ADGRE3: variants seen among roughly 807,000 people sequenced by gnomAD.
The protein encoded by ADGRE3 is adhesion G protein-coupled receptor E3.
In ADGRE3, 88 loss-of-function variants were observed where a neutral mutation model predicts 80.1. That is an observed-to-expected ratio of 1.10 (90% CI 0.93 to 1.31). The LOEUF (loss-of-function observed/expected upper bound fraction) is 1.31. Among genes scored for constraint, ADGRE3 ranks in the 40% most tolerant of loss-of-function variants. The probability of loss-of-function intolerance (pLI) is 0.00; values close to 1 mark genes in which losing one functional copy is unlikely to be tolerated. For synonymous variants in ADGRE3, 281 were observed against 294.8 expected (o/e 0.95, Z 0.48); for missense variants, 715 against 776.5 (o/e 0.92, Z 0.94).
chr19:14,657,560 A>C (rs1448817487), intron 5 of ADGRE3, among the ~76,000 whole-genome samples: 1 of 151,316 alleles, frequency 6.6e-6, no homozygotes, highest in Non-Finnish European at 1.5e-5. Context: ...ATATCTATAT[A>C]TATATATAAG....
At chr19:14,637,940 C>T (rs531369833) in intron 11 of ADGRE3, among the ~76,000 whole-genome samples, 165 bp downstream of exon 11, 1 of 152,264 alleles carries the variant, frequency 6.6e-6, no homozygotes, top group Admixed American at 6.5e-5. Flanking sequence ...ACCTTGCAAA[C>T]TCTTACCACC....
chr19:14,655,212 A>T (rs1268239497), intron 5 of ADGRE3, 47 bp from the exon 6 acceptor site: 6 of 1,531,064 alleles, frequency 3.9e-6, no homozygotes, highest in Non-Finnish European at 5.3e-6. Context: ...GTAATCTGGT[A>T]AGTCCCATAT....
intron 1 of ADGRE3, 104 bp from the exon 2 acceptor site, chr19:14,668,956 A>C (rs1972178586): frequency 9.0e-7 from 1 of 1,116,642 alleles, no homozygotes; most frequent in Non-Finnish European, 1.3e-6. Context: ...CTGTGTAACA[A>C]ATTACAAAAA....
chr19:14,647,465 G>T, intron 7 of ADGRE3, 100 bp from the exon 8 acceptor site: 2 of 944,874 alleles, frequency 2.1e-6, no homozygotes, highest in East Asian at 5.4e-5. Context: ...CAGCCAGGCT[G>T]GAGTGCAGTG....
chr19:14,615,757 T>TAAA (rs559844563), downstream of ADGRE3, among the ~76,000 whole-genome samples: 6,249 of 136,106 alleles, frequency 0.046, 150 homozygotes, highest in South Asian at 0.067. Flanking sequence ...GAGACTCTGC[T>TAAA]AAAAAAAAAA....
At chr19:14,636,050 TTCC>T (rs1568480988) in intron 11 of ADGRE3, among the ~76,000 whole-genome samples, 37 of 58,140 alleles carry the variant, frequency 6.4e-4, no homozygotes, top group Non-Finnish European at 1.1e-3. Context: ...CCTTCCTTCC[TTCC>T]TTCCTTCCTT....
intron 6 of ADGRE3, among the ~76,000 whole-genome samples, chr19:14,653,800 G>A (rs1328087499): frequency 6.6e-6 from 1 of 152,072 alleles, no homozygotes; most frequent in East Asian, 1.9e-4. Flanking sequence ...ACTGGTCTCA[G>A]ATCAAACAGT....
chr19:14,626,912 C>T (rs1398113580), intron 14 of ADGRE3, among the ~76,000 whole-genome samples: 3 of 152,174 alleles, frequency 2.0e-5, no homozygotes, highest in African/African-American at 7.2e-5. Flanking sequence ...CCAGTTTGCC[C>T]TATGCATGGG....
chr19:14,673,909 C>T (rs981702024), intron 1 of ADGRE3, among the ~76,000 whole-genome samples: 3 of 152,104 alleles, frequency 2.0e-5, no homozygotes, highest in African/African-American at 4.8e-5. Context: ...CAGTCTTCAT[C>T]GTCTATCATT....
intron 14 of ADGRE3, among the ~76,000 whole-genome samples, 184 bp downstream of exon 14, chr19:14,629,855 T>C (rs1245422246): frequency 6.6e-6 from 1 of 152,206 alleles, no homozygotes; most frequent in African/African-American, 2.4e-5. Context: ...TTCTGAAATG[T>C]GTTAATAAAT....
intron 10 of ADGRE3, among the ~76,000 whole-genome samples, chr19:14,639,238 A>G (rs184017940): frequency 2.2e-4 from 34 of 152,282 alleles, no homozygotes; most frequent in African/African-American, 7.7e-4. Flanking sequence ...AATGATAAGT[A>G]TGGAAGTGAT....
At chr19:14,633,345 A>C (rs1970937226) in intron 11 of ADGRE3, 43 bp from the exon 12 acceptor site, 1 of 1,433,188 alleles carries the variant, frequency 7.0e-7, no homozygotes. Context: ...GATCAGAGAA[A>C]GTGCGTGAGA....
chr19:14,648,998 CGATCTCTCTTTT>C (rs1308534834), intron 7 of ADGRE3, among the ~76,000 whole-genome samples: 2 of 143,800 alleles, frequency 1.4e-5, no homozygotes, highest in African/African-American at 5.2e-5. Flanking sequence ...CTCTCTCTTT[CGATCTCTCTTTT>C]GATCTCTTTC....
intron 14 of ADGRE3, chr19:14,628,741 C>A: frequency 5.8e-6 from 2 of 344,178 alleles, no homozygotes; most frequent in Non-Finnish European, 5.7e-6. Flanking sequence ...CCCCTGCAGA[C>A]AGCCAGTGTT....
At position 14,630,393 on chromosome 19, in the gene ADGRE3, CTTATTTTATT is replaced by C. The variant is rs55760456; in HGVS notation, c.1644-196_1644-187del. 6.1e-3 allele frequency among the ~76,000 whole-genome samples: 912 copies of C among 148,604 alleles called. 5 individuals carry two copies. Among genetic ancestry groups the C allele is most frequent in the South Asian group, 0.026 (122 of 4,680 alleles). ...CCTTCTTGCAACTCAGCTCCCTCAT[CTTATTTTATT>C]TTATTTTATTTTATTTTATTTTTGA... On this transcript the variant is annotated intron_variant, in intron 13 of 15. Coordinates refer to ENST00000253673, the MANE Select transcript of ADGRE3 (RefSeq NM_032571.5).
intron 10 of ADGRE3, among the ~76,000 whole-genome samples, chr19:14,641,014 A>C (rs1971232570): frequency 6.6e-6 from 1 of 152,122 alleles, no homozygotes; most frequent in South Asian, 2.1e-4. Context: ...AATACAACCA[A>C]TGATACTAGT....
At chr19:14,658,441 C>A (rs1218617855) in intron 5 of ADGRE3, 72 bp downstream of exon 5, 2 of 1,224,902 alleles carry the variant, frequency 1.6e-6, no homozygotes, top group East Asian at 2.8e-5. Context: ...CATTTGCTCA[C>A]TTTGGGCTTT....
chr19:14,602,876 C>G, the ADGRE3 span, among the ~76,000 whole-genome samples: 1 of 152,068 alleles, frequency 6.6e-6, no homozygotes, highest in African/African-American at 2.4e-5. Flanking sequence ...GCTGGGATTA[C>G]AGGCGCCCAC....
chr19:14,611,974 A>G, the ADGRE3 span, among the ~76,000 whole-genome samples: 2 of 152,218 alleles, frequency 1.3e-5, no homozygotes, highest in East Asian at 1.9e-4. Flanking sequence ...ACTGCACTCC[A>G]GCCTGGGTGA....
Sources: allele counts gnomAD v4.1 joint callset (sites outside exome capture counted in the v4.1 genomes callset), GRCh38; gene constraint gnomAD v4.1.1; transcripts MANE v1.5; gene names NCBI Gene and HGNC (gene_info 2026-07-23, HGNC 2026-07-21).